TAS1R2: variants seen among roughly 807,000 people sequenced by gnomAD.
TAS1R2 encodes taste 1 receptor member 2, also known as taste receptor type 1 member 2.
In TAS1R2, 47 loss-of-function variants were observed where a neutral mutation model predicts 49.3. The observed-to-expected ratio is 0.95, with a 90% CI of 0.75 to 1.22. The LOEUF is 1.22. Among genes scored for constraint, TAS1R2 ranks in the 50% most tolerant of loss-of-function variants. TAS1R2 has a pLI of 0.00. For missense variants in TAS1R2, 1,155 were observed against 1,122.1 expected (o/e 1.03, Z -0.42); for synonymous variants, 479 against 467.9 (o/e 1.02, Z -0.31).
chr1:18,859,550 G>A (rs375003915), exon 1 of TAS1R2: 4 of 1,614,192 alleles, frequency 2.5e-6, no homozygotes, highest in Non-Finnish European at 2.5e-6. Flanking sequence ...GGGAGAAGAG[G>A]CCACCCAGGA....
intron 5 of TAS1R2, 80 bp from the exon 6 acceptor site, chr1:18,840,607 G>T: frequency 6.7e-7 from 1 of 1,496,854 alleles, no homozygotes; most frequent in Non-Finnish European, 9.2e-7. Flanking sequence ...ACAGGGCCAG[G>T]CTCCAGGGAT....
rs200283995 is a variant in TAS1R2 at position 18,859,587 on chromosome 1, G to A, written c.74C>T (p.Ser25Leu). The A allele has an allele frequency of 4.6e-5, 75 of 1,614,100 alleles. No individual in the cohort carries two copies. Among genetic ancestry groups the A allele is most frequent in the Non-Finnish European group, 5.6e-5 (66 of 1,180,052 alleles). Residue 25 changes from serine (S) to leucine (L), a missense_variant, in exon 1 of 6, where the codon TCG (serine) becomes TTG (leucine). Transcript: ENST00000375371. ...GTAATCCCCAGGCAGGTAGAAGTCCGAGTTCTCAGCCGGCTCAGCCAGGAC... is the reference window on the plus strand; with the variant it reads ...GTAATCCCCAGGCAGGTAGAAGTCCAAGTTCTCAGCCGGCTCAGCCAGGAC...
At chr1:18,840,716 C>T (rs1333563510) in intron 5 of TAS1R2, among the ~76,000 whole-genome samples, 189 bp from the exon 6 acceptor site, 2 of 152,214 alleles carry the variant, frequency 1.3e-5, no homozygotes, top group Non-Finnish European at 2.9e-5. Context: ...CTGCATTTCA[C>T]AGATGAGGAA....
intron 4 of TAS1R2, among the ~76,000 whole-genome samples, chr1:18,848,252 C>T (rs1933957782): frequency 1.3e-5 from 2 of 152,086 alleles, no homozygotes; most frequent in Non-Finnish European, 2.9e-5. Context: ...CCTCTCGGTG[C>T]CTTCAGTTTC....
chr1:18,849,922 A>C (rs1021308340), intron 3 of TAS1R2, among the ~76,000 whole-genome samples: 7 of 152,060 alleles, frequency 4.6e-5, no homozygotes, highest in African/African-American at 1.7e-4. Context: ...GACAGGAAGC[A>C]CTCCTACCAA....
rs74056648 is a variant in TAS1R2 at position 18,855,655 on chromosome 1, G to C, written c.484-669C>G. On this transcript the variant is annotated intron_variant, in intron 2 of 5. Coordinates refer to ENST00000375371, the Ensembl canonical transcript of TAS1R2. ...CAACTCCCAGTGGATAGCCCTGGCC[G>C]GGACTTCTCTCCTGAACTTCAGATG... Among the ~76,000 whole-genome samples the C allele has an allele frequency of 4.6e-3, 697 of 152,224 alleles. 3 individuals carry two copies. Among genetic ancestry groups the C allele is most frequent in the African/African-American group, 0.016 (645 of 41,540 alleles).
intron 4 of TAS1R2, among the ~76,000 whole-genome samples, chr1:18,842,602 C>T (rs1402796917): frequency 1.3e-5 from 2 of 152,112 alleles, no homozygotes; most frequent in Non-Finnish European, 2.9e-5. Context: ...AAACAACATA[C>T]CCTTAAATAA....
At chr1:18,855,120 C>T (rs998406609) in intron 2 of TAS1R2, 134 bp from the exon 3 acceptor site, 35 of 1,090,232 alleles carry the variant, frequency 3.2e-5, no homozygotes, top group Non-Finnish European at 4.0e-5. Context: ...TTTACACCAT[C>T]GTCAATCATC....
chr1:18,841,678 G>C (rs774210881), intron 5 of TAS1R2, 51 bp downstream of exon 5: 125 of 1,582,720 alleles, frequency 7.9e-5, no homozygotes, highest in Non-Finnish European at 1.1e-4. Context: ...CCAGGGGCAG[G>C]GCAGGGGCAG....
chr1:18,857,917 C>G (rs1033202160), intron 1 of TAS1R2, among the ~76,000 whole-genome samples: 2 of 152,048 alleles, frequency 1.3e-5, no homozygotes, highest in African/African-American at 2.4e-5. Flanking sequence ...CCAATGTGAC[C>G]ATCATTATCC....
chr1:18,855,044 CCCA>C, intron 2 of TAS1R2, 58 bp from the exon 3 acceptor site: 1 of 1,561,494 alleles, frequency 6.4e-7, no homozygotes, highest in Non-Finnish European at 8.7e-7. Context: ...CTGCCCCCAC[CCCA>C]GGGCTCTATC....
intron 4 of TAS1R2, among the ~76,000 whole-genome samples, chr1:18,842,111 C>T (rs1179810638): frequency 1.3e-5 from 2 of 152,166 alleles, no homozygotes. Context: ...TTACCAGAAC[C>T]CAACTGATGT....
rs140330444 is a variant in TAS1R2, at chr1:18,854,785, G to A, written c.685C>T (p.Arg229Trp). The stretch of plus-strand genomic sequence containing the variant: ...TGGAAGGCGATGCAGATGTCGCGCC[G>A]GGCCACGCGCTCGCCAAGCAGCTGG... Residue 229 changes from arginine (R) to tryptophan (W), a missense_variant, in exon 3 of 6, where the codon CGG becomes TGG. Coordinates refer to ENST00000375371, the Ensembl canonical transcript of TAS1R2. This position sits in a 1 kb window ranked among gnomAD's most constrained non-coding sequence, Gnocchi z 4.9. The A allele has an allele frequency of 4.4e-4, 713 of 1,605,754 alleles. 1 individual carries two copies. Among genetic ancestry groups the A allele is most frequent in the Middle Eastern group, 2.5e-3 (15 of 6,060 alleles).
rs558466409 is a variant in TAS1R2 at position 18,857,238 on chromosome 1, C to T, written c.483+93G>A. The T allele has an allele frequency of 2.9e-6, 4 of 1,383,566 alleles. No individual in the cohort carries two copies. The East Asian group carries it at 9.8e-5, about 34-fold the overall frequency. The allele number at this position is 1,383,566 out of a possible 1,614,324, so 85.7% of individuals were successfully genotyped here. ...TGCTTCTGGTCCTATCATCACCTCC[C>T]ATGATTGATGGAGGAAGTGGCTTCT... On this transcript the variant is annotated intron_variant, in intron 2 of 5. Transcript: ENST00000375371.
chr1:18,841,895 C>A, intron 4 of TAS1R2, 43 bp from the exon 5 acceptor site: 2 of 1,503,596 alleles, frequency 1.3e-6, no homozygotes, highest in South Asian at 2.5e-5. Flanking sequence ...TCTTTTCCCA[C>A]ATTCTGGGGG....
intron 5 of TAS1R2, among the ~76,000 whole-genome samples, 188 bp downstream of exon 5, chr1:18,841,541 G>C (rs1557595202): frequency 6.6e-6 from 1 of 151,890 alleles, no homozygotes; most frequent in African/African-American, 2.4e-5. Flanking sequence ...CTGTATGGAG[G>C]ATTTTGCTCT....
At chr1:18,845,968 CT>C (rs1933914007) in intron 4 of TAS1R2, among the ~76,000 whole-genome samples, 1 of 152,184 alleles carries the variant, frequency 6.6e-6, no homozygotes, top group Non-Finnish European at 1.5e-5. Flanking sequence ...GCCAAACTCC[CT>C]TTCTGTTAGA....
intron 3 of TAS1R2, among the ~76,000 whole-genome samples, chr1:18,851,704 C>T (rs1174675328): frequency 6.6e-6 from 1 of 152,092 alleles, no homozygotes; most frequent in African/African-American, 2.4e-5. Flanking sequence ...CTGATCTGAC[C>T]CCACCACCAC....
chr1:18,845,321 A>G (rs1330194576), intron 4 of TAS1R2, among the ~76,000 whole-genome samples: 1 of 152,104 alleles, frequency 6.6e-6, no homozygotes, highest in Non-Finnish European at 1.5e-5. Context: ...CATCTTCAGG[A>G]CCCCCTGCAA....
Sources: gnomAD v4.1 joint callset for allele counts (sites outside exome capture counted in the v4.1 genomes callset) on GRCh38, gnomAD v4.1.1 for gene constraint, Gnocchi (gnomAD v3.1) non-coding constraint, MANE v1.5 for transcripts, NCBI Gene and HGNC (gene_info 2026-07-23, HGNC 2026-07-21) for gene names.